Variants in MCTP2 observed in about 807,000 individuals in gnomAD.
MCTP2 encodes multiple C2 and transmembrane domain-containing protein 2.
A neutral mutation model predicts 111.6 loss-of-function variants in MCTP2; 132 were observed. That is an observed-to-expected ratio of 1.18 (90% CI 1.03 to 1.37). The LOEUF is 1.37. MCTP2 is among the 40% of genes most tolerant of loss of function. The pLI, the probability that MCTP2 is intolerant of heterozygous loss-of-function variation, is 0.00. For missense variants in MCTP2, 1,183 were observed against 1,067.9 expected (o/e 1.11, Z -1.50); for synonymous variants, 395 against 387.7 (o/e 1.02, Z -0.22).
chr15:94,455,494 G>C (rs1337576316), intron 19 of MCTP2, among the ~76,000 whole-genome samples: 6 of 151,876 alleles, frequency 4.0e-5, no homozygotes, highest in South Asian at 2.1e-4. Context: ...CTCGAGTGCA[G>C]TGGCGCCATC....
At chr15:94,334,920 G>A (rs1460062199) in intron 4 of MCTP2, among the ~76,000 whole-genome samples, 1 of 152,144 alleles carries the variant, frequency 6.6e-6, no homozygotes, top group Non-Finnish European at 1.5e-5. Flanking sequence ...TCTAAGCTGG[G>A]AAATAGTAAG....
intron 1 of MCTP2, among the ~76,000 whole-genome samples, chr15:94,248,561 C>G (rs2072181322): frequency 6.6e-6 from 1 of 152,194 alleles, no homozygotes; most frequent in Non-Finnish European, 1.5e-5. Flanking sequence ...AAAATATGTT[C>G]TTTCGCTTGT....
At position 94,470,331 on chromosome 15, in the gene MCTP2, A is replaced by G. The variant is rs775785524; in HGVS notation, c.2361-2A>G. ...AATTATATTTATGTGGTTTGTCTAC[A>G]GCACATTTAACTGGACGGTCCCCTT... On this transcript the variant is annotated splice_acceptor_variant, in intron 20 of 22. Coordinates refer to ENST00000357742, the MANE Select transcript of MCTP2 (RefSeq NM_001385001.1). LOFTEE classifies it high-confidence loss of function. 2.5e-6 allele frequency: 4 copies of G among 1,602,710 alleles called. No individual in the cohort carries two copies. The East Asian group carries it at 8.9e-5, about 36-fold the overall frequency.
intron 17 of MCTP2, among the ~76,000 whole-genome samples, chr15:94,423,685 G>A (rs2082732316): frequency 1.3e-5 from 2 of 152,188 alleles, no homozygotes; most frequent in East Asian, 1.9e-4. Flanking sequence ...GCATGTGCGT[G>A]TAAGAGTTCA....
At chr15:94,443,088 G>C in intron 19 of MCTP2, 128 bp downstream of exon 19, 2 of 564,888 alleles carry the variant, frequency 3.5e-6, no homozygotes, top group East Asian at 6.5e-5. Context: ...TACCAGTATA[G>C]TAATATTATT....
At chr15:94,278,523 A>G (rs1025268103) in intron 1 of MCTP2, among the ~76,000 whole-genome samples, 2 of 152,206 alleles carry the variant, frequency 1.3e-5, no homozygotes, top group Admixed American at 6.5e-5. Flanking sequence ...GCTTTCCTAG[A>G]AAAACATATG....
chr15:94,367,863 C>A, intron 11 of MCTP2, 72 bp downstream of exon 11: 2 of 1,322,730 alleles, frequency 1.5e-6, no homozygotes, highest in South Asian at 2.8e-5. Flanking sequence ...TTTATTGAAA[C>A]AAAGTCTCTG....
chr15:94,457,946 G>A (rs1486496086), intron 19 of MCTP2, among the ~76,000 whole-genome samples, 191 bp from the exon 20 acceptor site: 2 of 152,076 alleles, frequency 1.3e-5, no homozygotes, highest in Non-Finnish European at 2.9e-5. Context: ...CGCGTTAGGA[G>A]TGGTAGCATC....
At chr15:94,467,863 T>G (rs1181953312) in intron 20 of MCTP2, among the ~76,000 whole-genome samples, 1 of 152,142 alleles carries the variant, frequency 6.6e-6, no homozygotes, top group Non-Finnish European at 1.5e-5. Flanking sequence ...AAGTTGGGAA[T>G]GGACCTATAC....
rs574874216 is a variant in MCTP2 at position 94,480,802 on chromosome 15, T to C, written c.*1768T>C. 2 of 152,368 alleles carry C rather than the reference T, an allele frequency of 1.3e-5. No individual in the cohort carries two copies. Among genetic ancestry groups the C allele is most frequent in the South Asian group, 4.1e-4 (2 of 4,832 alleles). The allele number at this position is 152,368 out of a possible 1,614,324, so 9.4% of individuals were successfully genotyped here. ...AAGTGGAACCAATACTTTATTGTTGTTCTTTTGCTATAGAATTTCAAAATG... is the reference window on the plus strand; with the variant it reads ...AAGTGGAACCAATACTTTATTGTTGCTCTTTTGCTATAGAATTTCAAAATG... On this transcript the variant is annotated 3_prime_UTR_variant, in exon 23 of 23. Transcript: ENST00000357742.
intron 1 of MCTP2, among the ~76,000 whole-genome samples, chr15:94,233,247 T>C (rs376579246): frequency 6.7e-4 from 102 of 152,270 alleles, no homozygotes; most frequent in African/African-American, 2.4e-3. Flanking sequence ...CTAGTAGATG[T>C]AGCTTTAAAA....
rs528886888 is a variant in MCTP2, at chr15:94,243,609, G to A, written c.-66+11945G>A. 8.7e-5 allele frequency among the ~76,000 whole-genome samples: 13 copies of A among 148,762 alleles called. No individual in the cohort carries two copies. The East Asian group carries it at 1.8e-3, about 21-fold the overall frequency. ...TATATTTGTATATGTATGTATACAC[G>A]CATATGTGTATATACGCATATGCGT... On this transcript the variant is annotated intron_variant, in intron 1 of 22. Transcript: ENST00000357742.
At chr15:94,442,781 A>G (rs1346396934) in intron 18 of MCTP2, 138 bp from the exon 19 acceptor site, 5 of 677,538 alleles carry the variant, frequency 7.4e-6, no homozygotes, top group African/African-American at 7.2e-5. Context: ...TAAAAGAGTT[A>G]TTGTTTAAGA....
At chr15:94,354,351 T>A (rs1251790291) in intron 8 of MCTP2, among the ~76,000 whole-genome samples, 2 of 152,162 alleles carry the variant, frequency 1.3e-5, no homozygotes, top group East Asian at 3.8e-4. Flanking sequence ...AATCCCCACT[T>A]GTCAAGGGAA....
At chr15:94,245,381 T>G (rs1310066891) in intron 1 of MCTP2, among the ~76,000 whole-genome samples, 1 of 136,620 alleles carries the variant, frequency 7.3e-6, no homozygotes, top group African/African-American at 2.8e-5. Flanking sequence ...TACATATGTA[T>G]ATGTATTTAT....
intron 17 of MCTP2, among the ~76,000 whole-genome samples, chr15:94,406,074 A>C (rs1268822317): frequency 6.6e-6 from 1 of 152,222 alleles, no homozygotes; most frequent in African/African-American, 2.4e-5. Context: ...ACATGTATAT[A>C]CATTTATATA....
At chr15:94,443,917 A>G (rs1052468498) in intron 19 of MCTP2, among the ~76,000 whole-genome samples, 1 of 143,010 alleles carries the variant, frequency 7.0e-6, no homozygotes, top group African/African-American at 2.6e-5. Flanking sequence ...TTTCTGAGTG[A>G]TTAAGTCATT....
chr15:94,345,340 G>A (rs1312695206), intron 8 of MCTP2, among the ~76,000 whole-genome samples, 176 bp downstream of exon 8: 1 of 129,452 alleles, frequency 7.7e-6, no homozygotes, highest in Non-Finnish European at 1.7e-5. Flanking sequence ...TTTAATAAGG[G>A]TATTGCCAGA....
At chr15:94,455,478 G>T (rs293574) in intron 19 of MCTP2, among the ~76,000 whole-genome samples, 4 of 151,374 alleles carry the variant, frequency 2.6e-5, no homozygotes, top group Non-Finnish European at 5.9e-5. Flanking sequence ...TCGCTCTGTC[G>T]CCAGGCTCGA....
Sources: allele counts gnomAD v4.1 joint callset (sites outside exome capture counted in the v4.1 genomes callset), GRCh38; gene constraint gnomAD v4.1.1; transcripts MANE v1.5; gene names NCBI Gene and HGNC (gene_info 2026-07-23, HGNC 2026-07-21).